The following PRDM11 variants were observed in gnomAD, a reference collection of about 807,000 sequenced individuals.
The protein encoded by PRDM11 is PR domain-containing protein 11.
PRDM11 carries 20 observed loss-of-function variants against 97.8 expected under a neutral mutation model. The ratio of observed to expected loss-of-function variants is 0.20; its 90% CI spans 0.14 to 0.30. The LOEUF (loss-of-function observed/expected upper bound fraction) is 0.30, where lower values mean the gene tolerates loss of function less well. PRDM11 is among the 10% of genes least tolerant of loss of function. PRDM11 has a pLI of 1.00. For missense variants in PRDM11, 1,139 were observed against 1,555.2 expected (o/e 0.73, Z 4.50); for synonymous variants, 599 against 637.7 (o/e 0.94, Z 0.91).
intron 1 of PRDM11, among the ~76,000 whole-genome samples, chr11:45,105,923 A>T (rs1852054166): frequency 6.6e-6 from 1 of 152,228 alleles, no homozygotes; most frequent in Admixed American, 6.5e-5. Context: ...CCATGAAGTC[A>T]GGCTGGACCG....
At chr11:45,152,192 G>A (rs931996853) in intron 1 of PRDM11, among the ~76,000 whole-genome samples, 7 of 151,996 alleles carry the variant, frequency 4.6e-5, no homozygotes, top group South Asian at 2.1e-4. Flanking sequence ...CTCAGCCCCC[G>A]AGTAGCTGGG....
At chr11:45,178,885 G>A (rs928997690) in intron 1 of PRDM11, among the ~76,000 whole-genome samples, 19 of 152,176 alleles carry the variant, frequency 1.2e-4, no homozygotes, top group Non-Finnish European at 2.1e-4. Flanking sequence ...CCCTGTCCTC[G>A]GGGAGCTTAC....
At chr11:45,182,806 G>T (rs888247347) in intron 3 of PRDM11, 55 bp from the exon 4 acceptor site, 110 of 1,515,120 alleles carry the variant, frequency 7.3e-5, no homozygotes, top group Non-Finnish European at 9.7e-5. Flanking sequence ...TCCCCCATGG[G>T]GGTCTTACCT....
At chr11:45,196,256 G>A (rs1590431380) in intron 4 of PRDM11, among the ~76,000 whole-genome samples, 1 of 152,154 alleles carries the variant, frequency 6.6e-6, no homozygotes, top group East Asian at 1.9e-4. Context: ...GTTTTGCTCT[G>A]CCTTTTTTCT....
rs1293861155 is a variant in PRDM11, at chr11:45,224,461, G to C, written c.987G>C (p.Leu329=). The stretch of plus-strand genomic sequence containing the variant: ...ACCAGTTGGCCCTGAGCACCTCACT[G>C]GTCATCAGGAAAGTCCCCAAATACC... ...EAHQLALSTS[L]VIRKVPKYQD... Residue 329 remains leucine (L), a synonymous_variant, in exon 7 of 8, where the codon CTG becomes CTC. Coordinates refer to ENST00000683152, the MANE Select transcript of PRDM11 (RefSeq NM_001384648.1). 1.2e-6 allele frequency: 2 copies of C among 1,614,182 alleles called. No homozygotes were observed. Among genetic ancestry groups the C allele is most frequent in the Non-Finnish European group, 1.7e-6 (2 of 1,180,042 alleles).
chr11:45,208,778 C>G (rs1378496977), intron 5 of PRDM11: 1 of 362,856 alleles, frequency 2.8e-6, no homozygotes, highest in Non-Finnish European at 5.5e-6. Context: ...CCAGGTGCCT[C>G]CTGGCTCCCC....
chr11:45,205,159 C>T (rs1853464088), intron 5 of PRDM11, among the ~76,000 whole-genome samples: 1 of 152,144 alleles, frequency 6.6e-6, no homozygotes, highest in Admixed American at 6.5e-5. Flanking sequence ...CAGTGCAGCC[C>T]CAGCAGTTGT....
At chr11:45,145,674 T>A (rs1238339117), upstream of PRDM11, among the ~76,000 whole-genome samples, 1 of 152,122 alleles carries the variant, frequency 6.6e-6, no homozygotes, top group Non-Finnish European at 1.5e-5. Context: ...AGGAGAGACG[T>A]CGCCATTGGG....
chr11:45,139,165 T>C (rs916685746), intron 1 of PRDM11, among the ~76,000 whole-genome samples: 12 of 152,336 alleles, frequency 7.9e-5, no homozygotes, highest in African/African-American at 2.2e-4. Flanking sequence ...AGCAGATTGA[T>C]GGTGTTCAGC....
intron 1 of PRDM11, among the ~76,000 whole-genome samples, chr11:45,102,834 C>T (rs1852000875): frequency 6.6e-6 from 1 of 152,216 alleles, no homozygotes; most frequent in South Asian, 2.1e-4. Flanking sequence ...CCAGAGCAGT[C>T]AGGGAAGGCT....
At chr11:45,135,146 T>C (rs1852814184) in intron 1 of PRDM11, among the ~76,000 whole-genome samples, 1 of 151,930 alleles carries the variant, frequency 6.6e-6, no homozygotes, top group Non-Finnish European at 1.5e-5. Flanking sequence ...TCTCTCTCTC[T>C]CTCTCCTACT....
In PRDM11 at chr11:45,229,249, G is replaced by C. The variant is rs1253210336; in HGVS notation, c.*1090G>C. 1 of 152,116 alleles carries C rather than the reference G, an allele frequency of 6.6e-6. No individual in the cohort carries two copies. The highest frequency in any genetic ancestry group is 1.5e-5 in the Non-Finnish European group (1 of 68,018). The allele number at this position is 152,116 out of a possible 1,614,324, so 9.4% of individuals were successfully genotyped here. ...CTGCTATAGTTCAGTGGCAGGTAGTGTCAATGCAAATTGTGCCCTAAGTTA... is the reference window on the plus strand; with the variant it reads ...CTGCTATAGTTCAGTGGCAGGTAGTCTCAATGCAAATTGTGCCCTAAGTTA... On this transcript the variant is annotated 3_prime_UTR_variant, in exon 8 of 8. Coordinates refer to ENST00000683152, the MANE Select transcript of PRDM11 (RefSeq NM_001384648.1).
At chr11:45,095,593 G>A (rs533765465), upstream of PRDM11, among the ~76,000 whole-genome samples, 396 of 152,306 alleles carry the variant, frequency 2.6e-3, no homozygotes, top group Non-Finnish European at 4.3e-3. Flanking sequence ...GAGAGTAGAG[G>A]CCACATTTCC....
At chr11:45,119,648 A>C (rs377292725) in intron 1 of PRDM11, among the ~76,000 whole-genome samples, 20 of 145,954 alleles carry the variant, frequency 1.4e-4, no homozygotes, top group African/African-American at 4.9e-4. Flanking sequence ...AAAAAAAAAA[A>C]ACACCTGGTA....
At chr11:45,095,398 A>G (rs965031706), upstream of PRDM11, among the ~76,000 whole-genome samples, 1 of 152,138 alleles carries the variant, frequency 6.6e-6, no homozygotes, top group Non-Finnish European at 1.5e-5. Context: ...CCCCGCTGCT[A>G]TCTGCTCATC....
chr11:45,151,753 G>A (rs1851665234), intron 1 of PRDM11, among the ~76,000 whole-genome samples: 1 of 152,248 alleles, frequency 6.6e-6, no homozygotes, highest in African/African-American at 2.4e-5. Context: ...CCTTTGGAGA[G>A]TGAGTAGGAT....
chr11:45,112,957 T>C (rs1027701559), intron 1 of PRDM11, among the ~76,000 whole-genome samples: 1 of 152,212 alleles, frequency 6.6e-6, no homozygotes, highest in African/African-American at 2.4e-5. Context: ...TTAGTTTAAT[T>C]AGGTCCCATT....
At position 45,226,032 on chromosome 11, in the gene PRDM11, G is replaced by A. The variant is rs1451693069; in HGVS notation, c.1407G>A (p.Glu469=). The stretch of plus-strand genomic sequence containing the variant: ...TGGTCTCCGGCCCCGCCATCATGGA[G>A]GATGATGACCAGGAAGTCGATTCAG... ...ESMVSGPAIM[E]DDDQEVDSAD... Residue 469 remains glutamate, a synonymous_variant, in exon 8 of 8, where the codon GAG becomes GAA. Transcript: ENST00000683152. 4 of 1,511,056 alleles carry A rather than the reference G, an allele frequency of 2.6e-6. No individual in the cohort carries two copies. The South Asian group carries it at 4.8e-5, about 18-fold the overall frequency. The allele number at this position is 1,511,056 out of a possible 1,614,324, so 93.6% of individuals were successfully genotyped here.
intron 4 of PRDM11, among the ~76,000 whole-genome samples, chr11:45,191,486 T>G (rs1276336191): frequency 6.6e-6 from 1 of 152,228 alleles, no homozygotes; most frequent in Non-Finnish European, 1.5e-5. Context: ...TTTAAAGCTA[T>G]TTTTAGTATT....
Sources: gnomAD v4.1 joint callset for allele counts (sites outside exome capture counted in the v4.1 genomes callset) on GRCh38, gnomAD v4.1.1 for gene constraint, MANE v1.5 for transcripts, NCBI Gene and HGNC (gene_info 2026-07-23, HGNC 2026-07-21) for gene names.